The following ERBB4 variants were observed in gnomAD, a reference collection of about 807,000 sequenced individuals.
The protein encoded by ERBB4 is receptor tyrosine-protein kinase erbB-4.
In ERBB4, 42 loss-of-function variants were observed where a neutral mutation model predicts 158.0. That is an observed-to-expected ratio of 0.27 (90% CI 0.21 to 0.34). The LOEUF (loss-of-function observed/expected upper bound fraction) is 0.34, where lower values mean the gene tolerates loss of function less well. ERBB4 is among the 10% of genes least tolerant of loss of function. ERBB4 has a pLI of 1.00. For synonymous variants in ERBB4, 583 were observed against 558.7 expected, an observed-to-expected ratio of 1.04 and a Z score of -0.61; for missense variants, 1,333 against 1,624.1, an observed-to-expected ratio of 0.82 and a Z score of 3.08.
At chr2:211,805,105 G>T (rs1373368311) in intron 3 of ERBB4, among the ~76,000 whole-genome samples, 1 of 152,078 alleles carries the variant, frequency 6.6e-6, no homozygotes, top group African/African-American at 2.4e-5. Context: ...TTTTAGTAGA[G>T]ACAGGGTTTC....
intron 3 of ERBB4, among the ~76,000 whole-genome samples, chr2:211,916,307 G>A (rs983991578): frequency 1.3e-5 from 2 of 152,000 alleles, no homozygotes; most frequent in African/African-American, 4.8e-5. Flanking sequence ...AGCCTCCCGA[G>A]TATCTGGGAT....
intron 27 of ERBB4, among the ~76,000 whole-genome samples, chr2:211,386,040 T>C (rs761832523): frequency 1.3e-5 from 2 of 152,204 alleles, no homozygotes; most frequent in Non-Finnish European, 2.9e-5. Flanking sequence ...CATAACCATA[T>C]ACCAGGCCCT....
At chr2:211,938,452 T>A (rs1005532396) in intron 3 of ERBB4, among the ~76,000 whole-genome samples, 1 of 152,110 alleles carries the variant, frequency 6.6e-6, no homozygotes, top group Non-Finnish European at 1.5e-5. Flanking sequence ...CACTGTCCAA[T>A]ATGATTGCCA....
In ERBB4 at chr2:212,124,739, G is replaced by A; in HGVS notation, c.234+13C>T. ...TCCATTCACAAAGAAGAGAAAGAAA[G>A]CCACAGCTTTACCCGCAGGAAGGAG... On this transcript the variant is annotated intron_variant, in intron 2 of 27. Coordinates refer to ENST00000342788, the MANE Select transcript of ERBB4 (RefSeq NM_005235.3). The A allele has an allele frequency of 6.2e-7, 1 of 1,614,086 alleles. No homozygotes were observed. The highest frequency in any genetic ancestry group is 1.7e-5 in the Admixed American group (1 of 60,030).
chr2:211,555,556 C>A (rs1052443247), intron 20 of ERBB4, among the ~76,000 whole-genome samples: 28 of 152,050 alleles, frequency 1.8e-4, no homozygotes, highest in African/African-American at 6.3e-4. Context: ...AGAAAACTTA[C>A]AATACAAATG....
At chr2:212,103,198 T>G (rs1257688020) in intron 2 of ERBB4, among the ~76,000 whole-genome samples, 1 of 152,152 alleles carries the variant, frequency 6.6e-6, no homozygotes, top group African/African-American at 2.4e-5. Flanking sequence ...TTACACATTC[T>G]GCTACTTTTG....
chr2:212,114,585 G>A (rs1328590841), intron 2 of ERBB4, among the ~76,000 whole-genome samples: 1 of 152,176 alleles, frequency 6.6e-6, no homozygotes, highest in East Asian at 1.9e-4. Context: ...ATATTTGCTT[G>A]TACTTTCTCT....
intron 4 of ERBB4, among the ~76,000 whole-genome samples, chr2:211,783,480 T>C (rs1028520189): frequency 1.3e-5 from 2 of 152,244 alleles, no homozygotes; most frequent in Non-Finnish European, 2.9e-5. Context: ...TTTTTGGCCA[T>C]TCAGTATGAT....
intron 19 of ERBB4, among the ~76,000 whole-genome samples, chr2:211,602,002 T>C (rs1331398954): frequency 6.6e-6 from 1 of 152,162 alleles, no homozygotes; most frequent in Non-Finnish European, 1.5e-5. Flanking sequence ...ATATCTTCTT[T>C]AAAGAGGGCA....
At chr2:211,412,419 C>A (rs1338782125) in intron 25 of ERBB4, among the ~76,000 whole-genome samples, 8 of 152,152 alleles carry the variant, frequency 5.3e-5, no homozygotes. Context: ...GCTAGATAAT[C>A]AGCCTCCACA....
chr2:211,963,143 G>T (rs1354529128), intron 2 of ERBB4, among the ~76,000 whole-genome samples: 2 of 152,048 alleles, frequency 1.3e-5, no homozygotes, highest in African/African-American at 4.8e-5. Flanking sequence ...CAACTGGGGT[G>T]TTTTGCTTTC....
At chr2:212,513,461 T>A (rs1691640380) in intron 1 of ERBB4, among the ~76,000 whole-genome samples, 1 of 152,194 alleles carries the variant, frequency 6.6e-6, no homozygotes, top group African/African-American at 2.4e-5. Context: ...AGAACAGCCC[T>A]GAGAAGTAAA....
intron 20 of ERBB4, among the ~76,000 whole-genome samples, chr2:211,516,693 CTAAA>C (rs2066043545): frequency 1.3e-5 from 2 of 152,010 alleles, no homozygotes; most frequent in African/African-American, 4.8e-5. Flanking sequence ...GGAATTGAAA[CTAAA>C]TAAGGGTGAA....
chr2:212,267,565 C>A (rs1473718130), intron 1 of ERBB4, among the ~76,000 whole-genome samples: 1 of 149,954 alleles, frequency 6.7e-6, no homozygotes, highest in Admixed American at 6.7e-5. Flanking sequence ...AATACAACAG[C>A]CCCTACTCCC....
intron 1 of ERBB4, among the ~76,000 whole-genome samples, chr2:212,184,416 T>C (rs111468261): frequency 6.6e-6 from 1 of 152,100 alleles, no homozygotes; most frequent in South Asian, 2.1e-4. Flanking sequence ...AGGCTCTGAA[T>C]TGGTTGATTT....
intron 1 of ERBB4, among the ~76,000 whole-genome samples, chr2:212,163,039 A>G (rs1240760960): frequency 1.3e-5 from 2 of 151,930 alleles, no homozygotes; most frequent in East Asian, 3.9e-4. Context: ...AAACTAGGTA[A>G]TAATTCAGTT....
intron 1 of ERBB4, among the ~76,000 whole-genome samples, chr2:212,417,314 T>C (rs2091679307): frequency 6.6e-6 from 1 of 152,058 alleles, no homozygotes; most frequent in Admixed American, 6.6e-5. Context: ...ACTTCTTCAC[T>C]TATACTGTCT....
At chr2:212,390,680 T>C (rs1272682231) in intron 1 of ERBB4, among the ~76,000 whole-genome samples, 1 of 151,820 alleles carries the variant, frequency 6.6e-6, no homozygotes, top group African/African-American at 2.4e-5. Context: ...AATGGATTTA[T>C]GAACACTTTC....
intron 3 of ERBB4, among the ~76,000 whole-genome samples, chr2:211,919,494 G>C (rs184839243): frequency 6.6e-6 from 1 of 151,906 alleles, no homozygotes; most frequent in Non-Finnish European, 1.5e-5. Flanking sequence ...TCCAATGAAA[G>C]AATGAATGGA....
Sources: allele counts gnomAD v4.1 joint callset (sites outside exome capture counted in the v4.1 genomes callset), GRCh38; gene constraint gnomAD v4.1.1; transcripts MANE v1.5; gene names NCBI Gene and HGNC (gene_info 2026-07-23, HGNC 2026-07-21).